PPM1L: variants seen among roughly 807,000 people sequenced by gnomAD.
PPM1L encodes protein phosphatase, Mg2+/Mn2+ dependent 1L.
PPM1L carries 13 observed loss-of-function variants against 31.4 expected under a neutral mutation model. That is an observed-to-expected ratio of 0.41 (90% CI 0.27 to 0.66). PPM1L has a LOEUF of 0.66. PPM1L is among the 30% of genes least tolerant of loss of function. PPM1L has a pLI of 0.29. For missense variants in PPM1L, 326 were observed against 453.7 expected (o/e 0.72, Z 2.56); for synonymous variants, 184 against 175.4 (o/e 1.05, Z -0.39).
chr3:160,962,067 T>C (rs75719884), intron 2 of PPM1L, among the ~76,000 whole-genome samples, 157 bp downstream of exon 2: 2,083 of 152,118 alleles, frequency 0.014, 48 homozygotes, highest in African/African-American at 0.047. Flanking sequence ...AGTCTCAAGA[T>C]GGTCAGAAGA....
chr3:160,764,883 C>T (rs973204191), intron 1 of PPM1L, among the ~76,000 whole-genome samples: 1 of 152,052 alleles, frequency 6.6e-6, no homozygotes, highest in Non-Finnish European at 1.5e-5. Flanking sequence ...TACACTTAGG[C>T]TCCTCTAACT....
At chr3:161,009,744 T>A (rs1717828718) in intron 2 of PPM1L, among the ~76,000 whole-genome samples, 1 of 152,148 alleles carries the variant, frequency 6.6e-6, no homozygotes, top group Non-Finnish European at 1.5e-5. Context: ...TTTTTTCTAT[T>A]TAACTAGGAA....
intron 1 of PPM1L, among the ~76,000 whole-genome samples, chr3:160,787,715 G>T (rs1391143353): frequency 6.6e-6 from 1 of 151,960 alleles, no homozygotes; most frequent in East Asian, 1.9e-4. Flanking sequence ...TTTATTCAAG[G>T]GTTTTTATAG....
chr3:160,778,199 A>AT (rs1334721443), intron 1 of PPM1L, among the ~76,000 whole-genome samples: 5 of 126,422 alleles, frequency 4.0e-5, no homozygotes, highest in Admixed American at 3.2e-4. Context: ...GAGAAATATT[A>AT]TTTAAGTTTT....
intron 1 of PPM1L, among the ~76,000 whole-genome samples, chr3:160,850,190 A>G (rs1420610798): frequency 6.6e-6 from 1 of 152,142 alleles, no homozygotes; most frequent in African/African-American, 2.4e-5. Flanking sequence ...GAAACACTTT[A>G]CTTATGTTTA....
intron 2 of PPM1L, among the ~76,000 whole-genome samples, chr3:161,003,221 A>G (rs1207950046): frequency 4.0e-5 from 6 of 151,180 alleles, no homozygotes; most frequent in African/African-American, 9.8e-5. Context: ...TACCAGTACC[A>G]TGCTGTTTTG....
intron 1 of PPM1L, among the ~76,000 whole-genome samples, chr3:160,922,076 C>T (rs1446321856): frequency 1.3e-5 from 2 of 152,020 alleles, no homozygotes; most frequent in Non-Finnish European, 2.9e-5. Flanking sequence ...TTTGGGAGGC[C>T]AAGGCGGGCA....
At chr3:160,866,886 C>A (rs552674954) in intron 1 of PPM1L, among the ~76,000 whole-genome samples, 1 of 152,162 alleles carries the variant, frequency 6.6e-6, no homozygotes, top group African/African-American at 2.4e-5. Flanking sequence ...GTTCTGTCGC[C>A]TAGGCTGGAG....
At chr3:160,902,948 G>A (rs1314588651) in intron 1 of PPM1L, among the ~76,000 whole-genome samples, 1 of 152,094 alleles carries the variant, frequency 6.6e-6, no homozygotes, top group Admixed American at 6.6e-5. Context: ...AAGAAAGAAA[G>A]GGCACAGATT....
intron 2 of PPM1L, among the ~76,000 whole-genome samples, chr3:160,993,018 C>G (rs527507477): frequency 6.6e-6 from 1 of 151,984 alleles, no homozygotes; most frequent in South Asian, 2.1e-4. Context: ...CCGTTGAATC[C>G]CTAACTCATA....
intron 1 of PPM1L, among the ~76,000 whole-genome samples, chr3:160,891,717 A>G (rs576469340): frequency 6.6e-6 from 1 of 152,360 alleles, no homozygotes; most frequent in Non-Finnish European, 1.5e-5. Flanking sequence ...TTGCAGCACT[A>G]TTTACAACAG....
At chr3:161,018,042 C>T (rs913704294) in intron 2 of PPM1L, among the ~76,000 whole-genome samples, 3 of 151,906 alleles carry the variant, frequency 2.0e-5, no homozygotes, top group East Asian at 1.9e-4. Flanking sequence ...GCCAATGACT[C>T]CTTAAAAAAA....
chr3:160,972,517 A>G (rs1716385164), intron 2 of PPM1L, among the ~76,000 whole-genome samples: 1 of 152,116 alleles, frequency 6.6e-6, no homozygotes, highest in East Asian at 1.9e-4. Flanking sequence ...TGTCCCTACA[A>G]AGGACATGAA....
intron 1 of PPM1L, among the ~76,000 whole-genome samples, chr3:160,779,654 C>T (rs906343505): frequency 8.6e-5 from 13 of 151,954 alleles, no homozygotes; most frequent in Non-Finnish European, 1.8e-4. Context: ...TCCCTAGTAG[C>T]TGGGATTACA....
intron 1 of PPM1L, among the ~76,000 whole-genome samples, chr3:160,899,540 G>T (rs1206768525): frequency 6.6e-6 from 1 of 152,210 alleles, no homozygotes; most frequent in African/African-American, 2.4e-5. Flanking sequence ...TTTCCCTTGA[G>T]TAAGTACAGC....
intron 2 of PPM1L, among the ~76,000 whole-genome samples, chr3:161,035,548 G>C (rs1718720408): frequency 1.3e-5 from 2 of 152,164 alleles, no homozygotes; most frequent in South Asian, 2.1e-4. Flanking sequence ...GTTCCTGAAA[G>C]AATGACTAAA....
chr3:161,058,216 G>A (rs973213380), intron 2 of PPM1L, among the ~76,000 whole-genome samples: 2 of 132,676 alleles, frequency 1.5e-5, no homozygotes, highest in Admixed American at 9.0e-5. Context: ...CCTCTGTCTC[G>A]CGGGCTCAAG....
intron 2 of PPM1L, among the ~76,000 whole-genome samples, chr3:161,015,711 A>G (rs1475917790): frequency 6.6e-6 from 1 of 152,182 alleles, no homozygotes; most frequent in Non-Finnish European, 1.5e-5. Context: ...ACCAGGAATC[A>G]GTTTACTAAG....
At chr3:160,771,679 T>A (rs1277214994) in intron 1 of PPM1L, among the ~76,000 whole-genome samples, 1 of 150,596 alleles carries the variant, frequency 6.6e-6, no homozygotes, top group African/African-American at 2.4e-5. Context: ...GAGTTGGGAG[T>A]AAGATTAATT....
Sources: allele counts gnomAD v4.1 joint callset (sites outside exome capture counted in the v4.1 genomes callset), GRCh38; gene constraint gnomAD v4.1.1; transcripts MANE v1.5; gene names NCBI Gene and HGNC (gene_info 2026-07-23, HGNC 2026-07-21).